CTNNA3: variants seen among roughly 807,000 people sequenced by gnomAD.
CTNNA3 encodes catenin alpha-3.
In CTNNA3, 76 loss-of-function variants were observed where a neutral mutation model predicts 95.7. The observed-to-expected ratio is 0.79, with a 90% CI of 0.66 to 0.96. CTNNA3 has a LOEUF of 0.96. Ranked by LOEUF, CTNNA3 falls within the 40% of genes least tolerant of loss-of-function variation. CTNNA3 has a pLI of 0.00. For missense variants in CTNNA3, 1,191 were observed against 1,089.8 expected (o/e 1.09, Z -1.31); for synonymous variants, 431 against 374.4 (o/e 1.15, Z -1.74).
At chr10:67,481,750 T>A (rs549823475) in intron 5 of CTNNA3, among the ~76,000 whole-genome samples, 12 of 152,356 alleles carry the variant, frequency 7.9e-5, no homozygotes, top group African/African-American at 2.9e-4. Flanking sequence ...CTCTTTAGTT[T>A]ACTTAGATCC....
intron 11 of CTNNA3, among the ~76,000 whole-genome samples, chr10:66,449,427 T>C (rs2093447577): frequency 6.6e-6 from 1 of 152,180 alleles, no homozygotes; most frequent in Non-Finnish European, 1.5e-5. Context: ...GACATTATAA[T>C]GTGGTCAAAA....
At chr10:67,068,187 T>A (rs1237477565) in intron 7 of CTNNA3, among the ~76,000 whole-genome samples, 1 of 151,962 alleles carries the variant, frequency 6.6e-6, no homozygotes, top group African/African-American at 2.4e-5. Context: ...GGGGGAAGGA[T>A]ATATAATATT....
At chr10:66,536,155 GAGAGAGACAGAGAC>G (rs759100430) in intron 10 of CTNNA3, among the ~76,000 whole-genome samples, 1 of 151,290 alleles carries the variant, frequency 6.6e-6, no homozygotes, top group Non-Finnish European at 1.5e-5. Context: ...GAGAGAGAGA[GAGAGAGACAGAGAC>G]AGAGAGAGAC....
chr10:67,370,876 T>G (rs933617009), intron 5 of CTNNA3, among the ~76,000 whole-genome samples: 29 of 150,726 alleles, frequency 1.9e-4, no homozygotes, highest in Admixed American at 1.7e-3. Context: ...TTTGTTTTTT[T>G]TTTTTTTTGA....
chr10:67,365,678 A>G (rs952957835), intron 5 of CTNNA3, among the ~76,000 whole-genome samples: 6 of 152,250 alleles, frequency 3.9e-5, no homozygotes, highest in Admixed American at 6.5e-5. Context: ...ATGATGAGAT[A>G]CCATCTCACG....
intron 5 of CTNNA3, among the ~76,000 whole-genome samples, chr10:67,467,739 G>T (rs1847651322): frequency 6.6e-6 from 1 of 151,564 alleles, no homozygotes; most frequent in African/African-American, 2.4e-5. Flanking sequence ...TTGAGATGGG[G>T]CCTCACTGTC....
intron 9 of CTNNA3, among the ~76,000 whole-genome samples, chr10:66,660,446 C>A (rs553267033): frequency 6.6e-6 from 1 of 152,242 alleles, no homozygotes; most frequent in East Asian, 1.9e-4. Flanking sequence ...TTAGGGACAA[C>A]CTTCATACTG....
At chr10:67,077,320 T>C (rs1241763383) in intron 7 of CTNNA3, among the ~76,000 whole-genome samples, 1 of 152,220 alleles carries the variant, frequency 6.6e-6, no homozygotes, top group African/African-American at 2.4e-5. Context: ...TGGCTTCCAC[T>C]GGCTTTATGA....
intron 13 of CTNNA3, among the ~76,000 whole-genome samples, chr10:66,169,386 C>A (rs901274056): frequency 6.6e-6 from 1 of 152,084 alleles, no homozygotes; most frequent in African/African-American, 2.4e-5. Context: ...AGTAGTATTC[C>A]ATTGTATATA....
At chr10:66,982,304 A>G (rs2132886202) in intron 7 of CTNNA3, among the ~76,000 whole-genome samples, 1 of 152,322 alleles carries the variant, frequency 6.6e-6, no homozygotes, top group South Asian at 2.1e-4. Context: ...GAAAAAAGAA[A>G]CACAGGCTTT....
intron 3 of CTNNA3, among the ~76,000 whole-genome samples, chr10:67,580,467 A>G (rs1202482109): frequency 1.3e-5 from 2 of 151,538 alleles, no homozygotes; most frequent in Non-Finnish European, 2.9e-5. Context: ...GTAGCCTTGT[A>G]ATATAGTTTG....
At chr10:67,629,354 A>C (rs1407565421) in intron 2 of CTNNA3, among the ~76,000 whole-genome samples, 1 of 134,564 alleles carries the variant, frequency 7.4e-6, no homozygotes, top group Non-Finnish European at 1.5e-5. Flanking sequence ...CTACCTTGGC[A>C]TGTTCATTTC....
At chr10:66,887,386 C>T (rs1333844264) in intron 7 of CTNNA3, among the ~76,000 whole-genome samples, 1 of 152,098 alleles carries the variant, frequency 6.6e-6, no homozygotes. Context: ...AGCCTACTAA[C>T]TCTTTATGCT....
rs183493733 is a variant in CTNNA3 at position 65,919,090 on chromosome 10, C to G, written c.*1240G>C. The G allele has an allele frequency of 6.6e-6, 1 of 152,036 alleles. No homozygotes were observed. Among genetic ancestry groups the G allele is most frequent in the East Asian group, 1.9e-4 (1 of 5,190 alleles). 9.4% of individuals were successfully genotyped at this position (152,036 alleles called of 1,614,324 possible). A position where few individuals can be genotyped will look rare whatever the true frequency, so the allele number is the denominator to read the frequency against. ...TGAATGAGAAAAAATGAAAACAAAA[C>G]TTATGGCCTCCAAAGAGTTTCTGTT... On this transcript the variant is annotated 3_prime_UTR_variant, in exon 18 of 18. Coordinates refer to ENST00000433211, the MANE Select transcript of CTNNA3 (RefSeq NM_013266.4).
chr10:66,265,029 A>T (rs1249720155), intron 13 of CTNNA3, among the ~76,000 whole-genome samples: 4 of 151,944 alleles, frequency 2.6e-5, no homozygotes, highest in African/African-American at 9.7e-5. Flanking sequence ...TTACTACCAA[A>T]CCTTCAATTC....
chr10:66,751,965 G>A (rs1298034859), intron 9 of CTNNA3, among the ~76,000 whole-genome samples: 2 of 152,206 alleles, frequency 1.3e-5, no homozygotes, highest in East Asian at 3.9e-4. Flanking sequence ...CTGAATAATT[G>A]GAGAGATATA....
At chr10:67,521,296 C>T (rs1414253092) in intron 5 of CTNNA3, among the ~76,000 whole-genome samples, 1 of 152,050 alleles carries the variant, frequency 6.6e-6, no homozygotes, top group East Asian at 1.9e-4. Flanking sequence ...ATCTAGGGGC[C>T]TACAAAAGGA....
chr10:66,802,968 T>C (rs1188695061), intron 7 of CTNNA3, among the ~76,000 whole-genome samples: 3 of 151,936 alleles, frequency 2.0e-5, no homozygotes, highest in Non-Finnish European at 4.4e-5. Flanking sequence ...TGTATAAGAT[T>C]TGACTGTAAG....
rs180884092 is a variant in CTNNA3 at position 67,131,518 on chromosome 10, G to T, written c.1047+48799C>A. On this transcript the variant is annotated intron_variant, in intron 7 of 17. Coordinates refer to ENST00000433211, the MANE Select transcript of CTNNA3 (RefSeq NM_013266.4). ...GTGGCAGTCATTATGCCGGGTGTTG[G>T]TAGACCATTGGTGAACAAAGGAGGC... is the stretch of plus-strand genomic sequence containing the variant. Among the ~76,000 whole-genome samples, 7 of 152,062 alleles carry T rather than the reference G, an allele frequency of 4.6e-5. No individual in the cohort carries two copies. In the East Asian group the frequency reaches 1.4e-3, roughly 29 times the overall value.
Sources: gnomAD v4.1 joint callset for allele counts (sites outside exome capture counted in the v4.1 genomes callset) on GRCh38, gnomAD v4.1.1 for gene constraint, MANE v1.5 for transcripts, NCBI Gene and HGNC (gene_info 2026-07-23, HGNC 2026-07-21) for gene names.